The following EMC3 variants were observed in gnomAD, a reference collection of about 807,000 sequenced individuals.
The protein encoded by EMC3 is ER membrane protein complex subunit 3.
EMC3 carries 13 observed loss-of-function variants against 36.6 expected under a neutral mutation model. That is an observed-to-expected ratio of 0.35 (90% CI 0.23 to 0.56). EMC3 has a LOEUF of 0.56. Ranked by LOEUF, EMC3 falls within the 20% of genes least tolerant of loss-of-function variation. EMC3 has a pLI of 0.84. For missense variants in EMC3, 220 were observed against 324.5 expected (o/e 0.68, Z 2.47); for synonymous variants, 120 against 111.9 (o/e 1.07, Z -0.46).
At chr3:9,988,433 T>G (rs2086005500), upstream of EMC3, 1 of 1,358,296 alleles carries the variant, frequency 7.4e-7, no homozygotes, top group Non-Finnish European at 1.1e-6. Context: ...TGTAATAAAG[T>G]CAGCTATTAG....
chr3:9,976,955 A>G lies in EMC3; in HGVS notation c.307+2T>C. 6.2e-7 allele frequency: 1 copy of G among 1,605,082 alleles called. No individual in the cohort carries two copies. Among genetic ancestry groups the G allele is most frequent in the Non-Finnish European group, 8.5e-7 (1 of 1,175,534 alleles). On this transcript the variant is annotated splice_donor_variant, in intron 3 of 7. Transcript: ENST00000245046. LOFTEE classifies it high-confidence loss of function. Reference sequence around the variant, plus strand: ...AAAGATGAGTGAAGGGAACAAACATACCAGTCATAGGAGAAGGTGGCACTA... The same window carrying G: ...AAAGATGAGTGAAGGGAACAAACATGCCAGTCATAGGAGAAGGTGGCACTA...
At chr3:10,006,823 GC>G (rs1375573685) in intron 1 of EMC3, 6 of 423,876 alleles carry the variant, frequency 1.4e-5, no homozygotes, top group African/African-American at 1.3e-4. Flanking sequence ...GAGGACGAAG[GC>G]CCTGAGGTCC....
intron 1 of EMC3, among the ~76,000 whole-genome samples, chr3:10,001,301 C>A (rs1173193365): frequency 6.6e-6 from 1 of 151,868 alleles, no homozygotes; most frequent in Non-Finnish European, 1.5e-5. Flanking sequence ...GTGGCTCACG[C>A]CTGTATTCCC....
intron 4 of EMC3, 127 bp from the exon 5 acceptor site, chr3:9,973,836 T>C (rs1433771682): frequency 1.2e-6 from 1 of 816,240 alleles, no homozygotes; most frequent in Non-Finnish European, 2.1e-6. Flanking sequence ...CACAAGGAAA[T>C]CTGTGGCAAT....
chr3:10,003,695 C>G (rs778919789), intron 1 of EMC3: 7 of 186,434 alleles, frequency 3.8e-5, no homozygotes, highest in Non-Finnish European at 8.0e-5. Flanking sequence ...TACTCTGTCA[C>G]TTCAATATTG....
intron 2 of EMC3, 134 bp from the exon 3 acceptor site, chr3:9,977,184 G>A (rs2085858760): frequency 1.1e-6 from 1 of 872,376 alleles, no homozygotes; most frequent in African/African-American, 1.7e-5. Context: ...CTACTTGGCA[G>A]GCGACCTGAC....
chr3:10,004,830 C>G (rs1263204809), intron 1 of EMC3: 1 of 152,316 alleles, frequency 6.6e-6, no homozygotes, highest in Non-Finnish European at 1.5e-5. Flanking sequence ...GCCCTCAGAC[C>G]CAGAGGGTTT....
Position 10,005,660 on chromosome 3 carries a change from A to G in EMC3, c.-242+5363T>C, listed in dbSNP as rs550639269. Among the ~76,000 whole-genome samples, 7 of 152,326 alleles carry G rather than the reference A, an allele frequency of 4.6e-5. No individual in the cohort carries two copies. In the East Asian group the frequency reaches 9.6e-4, roughly 21 times the overall value. ...CTTCACTGTAACTGATGAAAAATCC[A>G]TGGGTGAAAAGTAGCCAGAAGATGC... On this transcript the variant is annotated intron_variant, in intron 1 of 8. Transcript: ENST00000470827.
At position 9,963,458 on chromosome 3, in the gene EMC3, T is replaced by TAGATAGATATAG. The variant is rs1322352014; in HGVS notation, c.*610_*611insCTATATCTATCT. 4.7e-5 allele frequency: 4 copies of TAGATAGATATAG among 84,230 alleles called. No individual in the cohort carries two copies. Among genetic ancestry groups the TAGATAGATATAG allele is most frequent in the African/African-American group, 1.9e-4 (4 of 20,552 alleles). The allele number at this position is 84,230 out of a possible 1,614,324, so 5.2% of individuals were successfully genotyped here. A position where few individuals can be genotyped will look rare whatever the true frequency, so the allele number is the denominator to read the frequency against. ...GACTGGGCTTCTGCTAAGATAGATA[T>TAGATAGATATAG]ATATATATATATATATATATTTTTT... On this transcript the variant is annotated 3_prime_UTR_variant, in exon 8 of 8. Transcript: ENST00000245046.
chr3:9,964,378 C>T (rs1344794131), intron 7 of EMC3, among the ~76,000 whole-genome samples, 181 bp from the exon 8 acceptor site: 2 of 152,194 alleles, frequency 1.3e-5, no homozygotes, highest in Non-Finnish European at 2.9e-5. Flanking sequence ...CTCTTCCTGC[C>T]ACCCCTCAAT....
chr3:10,004,244 C>T (rs2086238413), intron 1 of EMC3: 1 of 152,186 alleles, frequency 6.6e-6, no homozygotes, highest in South Asian at 2.1e-4. Flanking sequence ...AGGGAGCAGA[C>T]CACACTAGAA....
intron 1 of EMC3, chr3:10,007,304 A>G (rs763811964): frequency 2.3e-6 from 3 of 1,282,396 alleles, no homozygotes; most frequent in Non-Finnish European, 2.0e-6. Context: ...CATTTTCAGA[A>G]GGACCAGCAG....
At chr3:9,982,940 G>A (rs1276750855) in intron 1 of EMC3, among the ~76,000 whole-genome samples, 1 of 151,540 alleles carries the variant, frequency 6.6e-6, no homozygotes, top group Non-Finnish European at 1.5e-5. Context: ...CTTTTTCTTG[G>A]ACTTAGGCTG....
rs2085726657 is a variant in EMC3, at chr3:9,965,382, C to T, written c.658-1185G>A. On this transcript the variant is annotated intron_variant, in intron 7 of 7. Coordinates refer to ENST00000245046, the MANE Select transcript of EMC3 (RefSeq NM_001394674.1). ...GCTGCAGTGAGCAAGGATTGTACCA[C>T]TGCACTCCAGCCTGGGTGACACAGT... is the stretch of plus-strand genomic sequence containing the variant. Among the ~76,000 whole-genome samples, 4 of 151,960 alleles carry T rather than the reference C, an allele frequency of 2.6e-5. No individual in the cohort carries two copies. In the South Asian group the frequency reaches 8.3e-4, roughly 31 times the overall value.
upstream of EMC3, chr3:9,988,716 T>C: frequency 6.6e-7 from 1 of 1,517,538 alleles, no homozygotes; most frequent in Admixed American, 1.7e-5. Flanking sequence ...TTTCAGGCAA[T>C]TGAAAACACT....
Position 9,974,496 on chromosome 3 carries a change from A to C in EMC3, c.308-8T>G, listed in dbSNP as rs762753891. On this transcript the variant is annotated splice_polypyrimidine_tract_variant and splice_region_variant and intron_variant, in intron 3 of 7. Coordinates refer to ENST00000245046, the MANE Select transcript of EMC3 (RefSeq NM_001394674.1). ...CTGTCAACATAGTAGGATCTAAGACAAAAGCACAAACAAGAAACCACTAAG... is the reference window on the plus strand; with the variant it reads ...CTGTCAACATAGTAGGATCTAAGACCAAAGCACAAACAAGAAACCACTAAG... The C allele has an allele frequency of 6.4e-7, 1 of 1,574,604 alleles. No homozygotes were observed. Among genetic ancestry groups the C allele is most frequent in the Admixed American group, 1.7e-5 (1 of 59,736 alleles).
intron 1 of EMC3, among the ~76,000 whole-genome samples, chr3:9,999,430 C>T (rs887478356): frequency 1.3e-5 from 2 of 151,992 alleles, no homozygotes; most frequent in African/African-American, 4.8e-5. Context: ...TTAGTAGAGA[C>T]AGGTTTTCAC....
Position 9,986,735 on chromosome 3 carries a change from C to G in EMC3, c.-74G>C. On this transcript the variant is annotated 5_prime_UTR_variant, in exon 1 of 8. Transcript: ENST00000245046. Reference sequence around the variant, plus strand: ...CCGGGGCACAGTTGCTTCTCTTCGGCTTCGCCTCCGGGCCTTCTCAAGCCC... The same window carrying G: ...CCGGGGCACAGTTGCTTCTCTTCGGGTTCGCCTCCGGGCCTTCTCAAGCCC... 1 of 1,586,006 alleles carries G rather than the reference C, an allele frequency of 6.3e-7. No individual in the cohort carries two copies. Among genetic ancestry groups the G allele is most frequent in the Non-Finnish European group, 8.6e-7 (1 of 1,165,998 alleles).
intron 1 of EMC3, chr3:10,008,625 A>C (rs1460269522): frequency 1.2e-5 from 5 of 405,364 alleles, no homozygotes; most frequent in Non-Finnish European, 2.4e-5. Flanking sequence ...GAGGCTGAAG[A>C]GAGATCAAGT....
Sources: gnomAD v4.1 joint callset for allele counts (sites outside exome capture counted in the v4.1 genomes callset) on GRCh38, gnomAD v4.1.1 for gene constraint, MANE v1.5 for transcripts, NCBI Gene and HGNC (gene_info 2026-07-23, HGNC 2026-07-21) for gene names.